PTPRG: variants seen among roughly 807,000 people sequenced by gnomAD.
PTPRG encodes the protein protein tyrosine phosphatase receptor type G, also known as receptor-type tyrosine-protein phosphatase gamma.
In PTPRG, 102 loss-of-function variants were observed where a neutral mutation model predicts 165.3. The observed-to-expected ratio is 0.62, with a 90% CI of 0.53 to 0.73. The LOEUF (loss-of-function observed/expected upper bound fraction) is 0.73. Ranked by LOEUF, PTPRG falls within the 30% of genes least tolerant of loss-of-function variation. The pLI, the probability that PTPRG is intolerant of heterozygous loss-of-function variation, is 0.00. For missense variants in PTPRG, 1,866 were observed against 1,861.4 expected (o/e 1.00, Z -0.05); for synonymous variants, 675 against 669.5 (o/e 1.01, Z -0.13).
At chr3:61,847,849 C>T (rs1319039161) in intron 2 of PTPRG, among the ~76,000 whole-genome samples, 1 of 152,264 alleles carries the variant, frequency 6.6e-6, no homozygotes, top group African/African-American at 2.4e-5. Context: ...TTAAGACAGC[C>T]TTCTGTCCTG....
chr3:61,790,487 G>A (rs1395820377), intron 2 of PTPRG, among the ~76,000 whole-genome samples: 1 of 152,222 alleles, frequency 6.6e-6, no homozygotes, highest in Admixed American at 6.5e-5. Flanking sequence ...TCAATAGTGA[G>A]TGTACTAGAG....
chr3:62,093,335 G>A (rs1158006249), intron 5 of PTPRG, among the ~76,000 whole-genome samples: 3 of 152,120 alleles, frequency 2.0e-5, no homozygotes, highest in Admixed American at 6.5e-5. Flanking sequence ...TGATCCTCCC[G>A]CCCTCTGCTT....
rs936064966 is a variant in PTPRG at position 61,657,528 on chromosome 3, A to G, written c.86-91350A>G. On this transcript the variant is annotated intron_variant, in intron 1 of 29. Coordinates refer to ENST00000474889, the MANE Select transcript of PTPRG (RefSeq NM_002841.4). ...GATGGTGAGCTCCTGTAGTCCCACT[A>G]CTCAGGAGGCTGAGGAGGGAGGATC... Among the ~76,000 whole-genome samples the G allele has an allele frequency of 2.0e-5, 3 of 152,200 alleles. No homozygotes were observed. In the South Asian group the frequency reaches 6.2e-4, roughly 32 times the overall value.
At chr3:62,267,064 A>T (rs575764117) in intron 17 of PTPRG, among the ~76,000 whole-genome samples, 3 of 152,054 alleles carry the variant, frequency 2.0e-5, no homozygotes, top group Non-Finnish European at 4.4e-5. Flanking sequence ...ACCCTTTTAT[A>T]TTTGTATTAA....
chr3:61,672,295 G>A (rs1446832013), intron 1 of PTPRG, among the ~76,000 whole-genome samples: 10 of 144,134 alleles, frequency 6.9e-5, no homozygotes, highest in Non-Finnish European at 1.2e-4. Flanking sequence ...AGGCGGAGAC[G>A]CTCCTCACTT....
Position 61,920,856 on chromosome 3 carries a change from A to G in PTPRG, c.191-68769A>G, listed in dbSNP as rs72882299. Among the ~76,000 whole-genome samples the G allele has an allele frequency of 6.2e-3, 944 of 152,310 alleles. 10 individuals carry two copies. The highest frequency in any genetic ancestry group is 0.021 in the African/African-American group (884 of 41,562). On this transcript the variant is annotated intron_variant, in intron 2 of 29. Coordinates refer to ENST00000474889, the MANE Select transcript of PTPRG (RefSeq NM_002841.4). The stretch of plus-strand genomic sequence containing the variant: ...GATGTACTGTTCATTAAAGAATTGG[A>G]AATACTTAAAAAATTTAATGGGACA...
intron 2 of PTPRG, among the ~76,000 whole-genome samples, chr3:61,931,349 C>G (rs550374395): frequency 3.9e-5 from 6 of 152,306 alleles, no homozygotes; most frequent in South Asian, 2.1e-4. Context: ...TGCCGTTTTT[C>G]TGGAATCCTG....
At chr3:61,799,617 G>C (rs944711908) in intron 2 of PTPRG, among the ~76,000 whole-genome samples, 1 of 152,164 alleles carries the variant, frequency 6.6e-6, no homozygotes, top group African/African-American at 2.4e-5. Flanking sequence ...TTTTGGGGTA[G>C]AAGATAACAC....
chr3:61,757,931 A>G (rs1196305230), intron 2 of PTPRG, among the ~76,000 whole-genome samples: 1 of 152,246 alleles, frequency 6.6e-6, no homozygotes, highest in Non-Finnish European at 1.5e-5. Context: ...TACATGTGTT[A>G]TAATTAGAGC....
chr3:61,638,521 A>T (rs989266790), intron 1 of PTPRG, among the ~76,000 whole-genome samples: 18 of 103,124 alleles, frequency 1.7e-4, no homozygotes, highest in Non-Finnish European at 3.1e-4. Context: ...TTTTTAGATT[A>T]TCATAGAATT....
intron 2 of PTPRG, among the ~76,000 whole-genome samples, chr3:61,986,512 T>C (rs2040766448): frequency 6.6e-6 from 1 of 152,212 alleles, no homozygotes; most frequent in Non-Finnish European, 1.5e-5. Context: ...TCATCACATG[T>C]TGAATGAGAA....
intron 1 of PTPRG, among the ~76,000 whole-genome samples, chr3:61,719,185 G>A (rs887777587): frequency 7.9e-5 from 12 of 152,234 alleles, no homozygotes; most frequent in Non-Finnish European, 2.9e-5. Flanking sequence ...GGAGAGAGAA[G>A]AATGGCAATT....
At chr3:61,654,586 A>G (rs374690553) in intron 1 of PTPRG, among the ~76,000 whole-genome samples, 1 of 151,644 alleles carries the variant, frequency 6.6e-6, no homozygotes, top group South Asian at 2.1e-4. Context: ...AGGTTTCGTC[A>G]TGTTGTCCAG....
intron 2 of PTPRG, among the ~76,000 whole-genome samples, chr3:61,924,239 C>G (rs1055225928): frequency 3.3e-5 from 5 of 152,158 alleles, no homozygotes; most frequent in African/African-American, 1.2e-4. Flanking sequence ...GGTCCTGTGA[C>G]CATGCAGATC....
intron 1 of PTPRG, among the ~76,000 whole-genome samples, chr3:61,620,261 T>C (rs575908552): frequency 6.6e-6 from 1 of 152,280 alleles, no homozygotes; most frequent in Non-Finnish European, 1.5e-5. Context: ...TTCAAGCACA[T>C]GCGTAGGGAA....
At chr3:62,179,656 A>G (rs1384308965) in intron 8 of PTPRG, among the ~76,000 whole-genome samples, 2 of 152,174 alleles carry the variant, frequency 1.3e-5, no homozygotes, top group Non-Finnish European at 2.9e-5. Flanking sequence ...CATGTGCTGA[A>G]TTGATGATTC....
intron 4 of PTPRG, among the ~76,000 whole-genome samples, chr3:62,039,341 T>A (rs185498453): frequency 0.011 from 1,714 of 151,978 alleles, 35 homozygotes; most frequent in African/African-American, 0.038. Flanking sequence ...TTAAAAAAAA[T>A]TTTTTTAAGC....
intron 1 of PTPRG, chr3:61,742,635 T>C: frequency 6.2e-7 from 1 of 1,604,756 alleles, no homozygotes; most frequent in Non-Finnish European, 8.5e-7. Flanking sequence ...CCTTCTTCAT[T>C]TGGAACTTGA....
chr3:62,250,180 G>A (rs1330123054), intron 15 of PTPRG, among the ~76,000 whole-genome samples: 1 of 152,132 alleles, frequency 6.6e-6, no homozygotes, highest in Admixed American at 6.6e-5. Flanking sequence ...TATCCTGATT[G>A]CTTTTCATAA....
Sources: allele counts gnomAD v4.1 joint callset (sites outside exome capture counted in the v4.1 genomes callset), GRCh38; gene constraint gnomAD v4.1.1; transcripts MANE v1.5; gene names NCBI Gene and HGNC (gene_info 2026-07-23, HGNC 2026-07-21).